The following SLCO3A1 variants were observed in gnomAD, a reference collection of about 807,000 sequenced individuals.
SLCO3A1 encodes the protein solute carrier organic anion transporter family member 3A1, also known as PGE1 transporter.
A neutral mutation model predicts 63.1 loss-of-function variants in SLCO3A1; 27 were observed. That is an observed-to-expected ratio of 0.43 (90% CI 0.32 to 0.59). The LOEUF (loss-of-function observed/expected upper bound fraction) is 0.59. Ranked by LOEUF, SLCO3A1 falls within the 20% of genes least tolerant of loss-of-function variation. The probability of loss-of-function intolerance (pLI) is 0.09; values close to 1 mark genes in which losing one functional copy is unlikely to be tolerated. For synonymous variants in SLCO3A1, 473 were observed against 409.9 expected (o/e 1.15, Z -1.86); for missense variants, 773 against 945.8 (o/e 0.82, Z 2.40).
chr15:92,150,928 CTCT>C lies in SLCO3A1; in HGVS notation c.1689-19_1689-17del. The C allele has an allele frequency of 6.5e-7, 1 of 1,544,094 alleles. No homozygotes were observed. The highest frequency in any genetic ancestry group is 1.7e-4 in the Middle Eastern group (1 of 5,758). On this transcript the variant is annotated intron_variant, in intron 8 of 9. Transcript: ENST00000318445. ...ATGATAAAAATCTGGTTTTTTTTTT[CTCT>C]TCATCTCTTTGCACGTAGGACAGTC...
intron 1 of SLCO3A1, among the ~76,000 whole-genome samples, chr15:91,867,047 G>A (rs890459408): frequency 1.3e-5 from 2 of 152,226 alleles, no homozygotes; most frequent in African/African-American, 4.8e-5. Context: ...ATGGAGAAGG[G>A]GAGGGCTGGA....
At chr15:91,889,169 T>C in intron 1 of SLCO3A1, 24 of 1,287,826 alleles carry the variant, frequency 1.9e-5, no homozygotes, top group Non-Finnish European at 2.4e-5. Context: ...CCTTGACTGA[T>C]GTCATAACAC....
intron 9 of SLCO3A1, among the ~76,000 whole-genome samples, chr15:92,151,781 G>A (rs2048309212): frequency 6.6e-6 from 1 of 152,194 alleles, no homozygotes; most frequent in South Asian, 2.1e-4. Flanking sequence ...GACTTTAAGT[G>A]GCATCTGAAT....
At chr15:91,857,869 G>A (rs1284430740) in intron 1 of SLCO3A1, among the ~76,000 whole-genome samples, 1 of 152,156 alleles carries the variant, frequency 6.6e-6, no homozygotes, top group Non-Finnish European at 1.5e-5. Context: ...ACTGAAAAAA[G>A]GCCAGTCTAG....
Position 92,107,177 on chromosome 15 carries a change from T to G in SLCO3A1, c.1009+2635T>G, listed in dbSNP as rs371762636. ...TGATCTGTATACGCACAGGCTTCAC[T>G]TCTGATGGTTAATGATTTTAATTTA... On this transcript the variant is annotated intron_variant, in intron 4 of 9. Coordinates refer to ENST00000318445, the MANE Select transcript of SLCO3A1 (RefSeq NM_013272.4). 1.5e-3 allele frequency among the ~76,000 whole-genome samples: 236 copies of G among 152,322 alleles called. 3 individuals carry two copies. The highest frequency in any genetic ancestry group is 5.4e-3 in the African/African-American group (225 of 41,560).
At position 91,950,985 on chromosome 15, in the gene SLCO3A1, G is replaced by A. The variant is rs772716221; in HGVS notation, c.646+34527G>A. Among the ~76,000 whole-genome samples, 1 of 152,146 alleles carries A rather than the reference G, an allele frequency of 6.6e-6. No homozygotes were observed. Among genetic ancestry groups the A allele is most frequent in the Non-Finnish European group, 1.5e-5 (1 of 68,032 alleles). On this transcript the variant is annotated intron_variant, in intron 2 of 9. Coordinates refer to ENST00000318445, the MANE Select transcript of SLCO3A1 (RefSeq NM_013272.4). This position sits in a 1 kb window ranked among gnomAD's most constrained non-coding sequence, Gnocchi z 4.4. ...TGAAGCTATTGTGTGTATTCTCTTA[G>A]TAAAGTCAGTTCCCACAGTTCCCTG...
At chr15:92,110,874 A>ATGGACT (rs55784429) in intron 4 of SLCO3A1, among the ~76,000 whole-genome samples, 3 of 151,194 alleles carry the variant, frequency 2.0e-5, no homozygotes, top group African/African-American at 7.3e-5. Flanking sequence ...TGACCAATCC[A>ATGGACT]TAGACTTGGC....
At chr15:92,001,735 A>G (rs1416931300) in intron 2 of SLCO3A1, among the ~76,000 whole-genome samples, 1 of 152,026 alleles carries the variant, frequency 6.6e-6, no homozygotes, top group Non-Finnish European at 1.5e-5. Context: ...CTCTATCCCA[A>G]CCAACCAGCT....
chr15:92,040,738 G>T (rs2046787288), intron 2 of SLCO3A1, among the ~76,000 whole-genome samples: 2 of 152,188 alleles, frequency 1.3e-5, no homozygotes, highest in African/African-American at 4.8e-5. Context: ...GGTGGGTCAG[G>T]TGAGGTGGTT....
At position 92,164,452 on chromosome 15, in the gene SLCO3A1, CG is replaced by C. The variant is rs964339092; in HGVS notation, c.*1320del. 2 of 985,278 alleles carry C rather than the reference CG, an allele frequency of 2.0e-6. No homozygotes were observed. Among genetic ancestry groups the C allele is most frequent in the Non-Finnish European group, 1.2e-6 (1 of 829,938 alleles). 61.0% of individuals were successfully genotyped at this position (985,278 alleles called of 1,614,324 possible). A position where few individuals can be genotyped will look rare whatever the true frequency, so the allele number is the denominator to read the frequency against. ...CCCCATGATTCAGTGATCACTGTCA[CG>C]GGAAACCCTTTTATATTCATGCTTG... is the stretch of plus-strand genomic sequence containing the variant. On this transcript the variant is annotated 3_prime_UTR_variant, in exon 10 of 10. Transcript: ENST00000318445.
intron 2 of SLCO3A1, among the ~76,000 whole-genome samples, chr15:92,034,504 G>A (rs927424212): frequency 6.6e-6 from 1 of 151,592 alleles, no homozygotes; most frequent in African/African-American, 2.4e-5. Flanking sequence ...GATGGTTTGG[G>A]GCATGGATGT....
At chr15:91,861,088 A>G (rs1897036926) in intron 1 of SLCO3A1, among the ~76,000 whole-genome samples, 1 of 152,204 alleles carries the variant, frequency 6.6e-6, no homozygotes, top group African/African-American at 2.4e-5. Flanking sequence ...ATCAGGTGGC[A>G]GTGTATGTTT....
At chr15:92,148,306 C>T (rs989837417) in intron 8 of SLCO3A1, among the ~76,000 whole-genome samples, 5 of 152,162 alleles carry the variant, frequency 3.3e-5, no homozygotes, top group Non-Finnish European at 5.9e-5. Context: ...AGGAATGAAA[C>T]GCATGGAAGT....
chr15:92,164,746 CAG>C lies in SLCO3A1; in HGVS notation c.*1615_*1616del, dbSNP rs2048479071. ...GTGTGTTTTGAAGGTGGGTGAACCT[CAG>C]AGAATGAACCTGTTATGATTTGGGG... is the stretch of plus-strand genomic sequence containing the variant. On this transcript the variant is annotated 3_prime_UTR_variant, in exon 10 of 10. Transcript: ENST00000318445. 9.1e-6 allele frequency: 9 copies of C among 985,224 alleles called. No homozygotes were observed. Among genetic ancestry groups the C allele is most frequent in the East Asian group, 1.1e-4 (1 of 8,816 alleles). 61.0% of individuals were successfully genotyped at this position (985,224 alleles called of 1,614,324 possible).
At position 92,127,861 on chromosome 15, in the gene SLCO3A1, CAA is replaced by C. The variant is rs561272892; in HGVS notation, c.1374-488_1374-487del. Reference sequence around the variant, plus strand: ...TCCTGACTGTAGGGGAGGAATAAAGCAAAGAGACAAGAACCAGCCCAAAGAGG... The same window carrying C: ...TCCTGACTGTAGGGGAGGAATAAAGCAGAGACAAGAACCAGCCCAAAGAGG... On this transcript the variant is annotated intron_variant, in intron 6 of 9. Transcript: ENST00000318445. Among the ~76,000 whole-genome samples the C allele has an allele frequency of 3.3e-5, 5 of 152,170 alleles. No homozygotes were observed. In the East Asian group the frequency reaches 9.6e-4, roughly 29 times the overall value.
chr15:92,022,815 T>C (rs2046526754), intron 2 of SLCO3A1, among the ~76,000 whole-genome samples: 1 of 151,712 alleles, frequency 6.6e-6, no homozygotes, highest in African/African-American at 2.4e-5. Flanking sequence ...GCTTCAAGAG[T>C]TGACAGGAGG....
chr15:92,028,908 A>ATGTGTGTGTGTGTGTGTGTGTGTGT (rs71465727), intron 2 of SLCO3A1, among the ~76,000 whole-genome samples: 1 of 120,072 alleles, frequency 8.3e-6, no homozygotes, highest in African/African-American at 3.4e-5. Context: ...TGCAGGCACA[A>ATGTGTGTGTGTGTGTGTGTGTGTGT]GTGTGTGTGT....
intron 3 of SLCO3A1, among the ~76,000 whole-genome samples, chr15:92,101,375 G>C (rs554387184): frequency 6.6e-6 from 1 of 152,092 alleles, no homozygotes; most frequent in Non-Finnish European, 1.5e-5. Context: ...CGGGCATGGT[G>C]GTGGGCACCT....
At chr15:92,074,561 C>G (rs2047254040) in intron 2 of SLCO3A1, among the ~76,000 whole-genome samples, 1 of 152,170 alleles carries the variant, frequency 6.6e-6, no homozygotes, top group Non-Finnish European at 1.5e-5. Context: ...ACCAGTCTGT[C>G]TTGTTACCTT....
Sources: gnomAD v4.1 joint callset for allele counts (sites outside exome capture counted in the v4.1 genomes callset) on GRCh38, gnomAD v4.1.1 for gene constraint, Gnocchi (gnomAD v3.1) non-coding constraint, MANE v1.5 for transcripts, NCBI Gene and HGNC (gene_info 2026-07-23, HGNC 2026-07-21) for gene names.